Variants in DNAH14 observed in about 807,000 individuals in gnomAD.
DNAH14 encodes axonemal beta dynein heavy chain 14.
In DNAH14, 478 loss-of-function variants were observed where a neutral mutation model predicts 520.9. That is an observed-to-expected ratio of 0.92 (90% CI 0.85 to 0.99). The LOEUF (loss-of-function observed/expected upper bound fraction) is 0.99, where lower values mean the gene tolerates loss of function less well. Among genes scored for constraint, DNAH14 ranks in the 50% least tolerant of loss-of-function variants. The pLI, the probability that DNAH14 is intolerant of heterozygous loss-of-function variation, is 0.00. For missense variants in DNAH14, 4,831 were observed against 5,234.5 expected (o/e 0.92, Z 2.38); for synonymous variants, 1,581 against 1,757.2 (o/e 0.90, Z 2.51).
At position 224,968,815 on chromosome 1, in the gene DNAH14, G is replaced by A. The variant is rs542595230; in HGVS notation, c.708G>A (p.Trp236Ter). Residue 236 changes from tryptophan (W) to a stop codon, truncating the protein, a stop_gained, in exon 7 of 86, where the codon TGG becomes TGA. Transcript: ENST00000682510. LOFTEE classifies it high-confidence loss of function. ...KEVELIPTLE[W>*]LSERRHYYLL... ...TAGAACTCATACCTACTTTGGAATGGCTATCAGAAAGAAGACATTACTATT... is the reference window on the plus strand; with the variant it reads ...TAGAACTCATACCTACTTTGGAATGACTATCAGAAAGAAGACATTACTATT... The A allele has an allele frequency of 3.2e-6, 5 of 1,542,450 alleles. No homozygotes were observed. In the South Asian group the frequency reaches 6.1e-5, roughly 19 times the overall value.
intron 71 of DNAH14, among the ~76,000 whole-genome samples, chr1:225,348,612 T>C (rs1294814644): frequency 1.3e-5 from 2 of 152,148 alleles, no homozygotes; most frequent in African/African-American, 4.8e-5. Context: ...CCAATAATAC[T>C]GTATGTGTCA....
chr1:225,007,522 A>G lies in DNAH14; in HGVS notation c.1085A>G (p.Glu362Gly). The change falls in exon 10 of 86, where the codon GAG (glutamate) becomes GGG (glycine). Residue 362 changes from glutamate (E) to glycine (G), a missense_variant. Coordinates refer to ENST00000682510, the MANE Select transcript of DNAH14 (RefSeq NM_001367479.1). Reference sequence around the variant, plus strand: ...GACATCAGGAATAAAGCAATTTCAGAGATGAAAAGTACTTTTCTAAAGGTA... The same window carrying G: ...GACATCAGGAATAAAGCAATTTCAGGGATGAAAAGTACTTTTCTAAAGGTA... ...LEDIRNKAIS[E>G]MKSTFLKVAE... is the part of the protein sequence containing the mutation. The G allele has an allele frequency of 6.5e-7, 1 of 1,534,342 alleles. No homozygotes were observed. Among genetic ancestry groups the G allele is most frequent in the Non-Finnish European group, 8.8e-7 (1 of 1,137,380 alleles).
At chr1:225,108,985 T>C (rs2076291419) in intron 23 of DNAH14, among the ~76,000 whole-genome samples, 1 of 152,162 alleles carries the variant, frequency 6.6e-6, no homozygotes, top group African/African-American at 2.4e-5. Flanking sequence ...CTTTTTCCAA[T>C]GTATGTTCTT....
At chr1:225,298,440 G>A (rs7512125) in intron 55 of DNAH14, among the ~76,000 whole-genome samples, 5,521 of 152,272 alleles carry the variant, frequency 0.036, 303 homozygotes, top group African/African-American at 0.12. Context: ...CACCCTAAAT[G>A]GGACTGCCAG....
intron 17 of DNAH14, among the ~76,000 whole-genome samples, chr1:225,063,353 G>T (rs995935179): frequency 3.9e-5 from 6 of 152,036 alleles, no homozygotes; most frequent in African/African-American, 1.4e-4. Flanking sequence ...TAAATGCTGT[G>T]TAACTAATTT....
intron 49 of DNAH14, 115 bp from the exon 50 acceptor site, chr1:225,270,620 A>C: frequency 1.1e-6 from 1 of 882,554 alleles, no homozygotes; most frequent in Non-Finnish European, 1.6e-6. Context: ...TAGTAATTAA[A>C]TCTTTTTGTC....
chr1:225,185,651 A>G (rs945532641), intron 37 of DNAH14, among the ~76,000 whole-genome samples: 1 of 151,894 alleles, frequency 6.6e-6, no homozygotes, highest in Non-Finnish European at 1.5e-5. Context: ...TAGGCATCTT[A>G]ATAAATGAAC....
intron 54 of DNAH14, among the ~76,000 whole-genome samples, chr1:225,288,812 C>A (rs900608850): frequency 6.6e-6 from 1 of 152,076 alleles, no homozygotes. Flanking sequence ...TAGTTAATAG[C>A]AATCATTGAC....
chr1:225,140,344 T>A (rs1298734360), intron 27 of DNAH14, among the ~76,000 whole-genome samples: 1 of 152,172 alleles, frequency 6.6e-6, no homozygotes, highest in African/African-American at 2.4e-5. Context: ...AGAGTGGGTG[T>A]CAAAAGATGG....
chr1:225,335,402 CATGT>C (rs1558428685), intron 66 of DNAH14, among the ~76,000 whole-genome samples: 10 of 95,798 alleles, frequency 1.0e-4, no homozygotes, highest in East Asian at 3.6e-4. Flanking sequence ...CACATGTGTA[CATGT>C]GTGTGTATGC....
chr1:225,168,677 C>T (rs888740558), intron 36 of DNAH14, among the ~76,000 whole-genome samples: 7 of 152,194 alleles, frequency 4.6e-5, no homozygotes, highest in South Asian at 2.1e-4. Context: ...TGGAGCCCAC[C>T]GCAGCTCAAG....
chr1:224,957,910 G>A (rs144285322), intron 3 of DNAH14, among the ~76,000 whole-genome samples: 444 of 152,240 alleles, frequency 2.9e-3, no homozygotes, highest in Non-Finnish European at 5.1e-3. Context: ...AGGAGCTGTG[G>A]TTTTATTTGA....
In DNAH14 at chr1:225,079,226, A is replaced by G. The variant is rs2072810310; in HGVS notation, c.2444A>G (p.Gln815Arg). The change falls in exon 18 of 86, where the codon CAG (glutamine) becomes CGG (arginine). Residue 815 changes from glutamine to arginine, a missense_variant. By Grantham distance (43) the Gln-to-Arg change is conservative. Coordinates refer to ENST00000682510, the MANE Select transcript of DNAH14 (RefSeq NM_001367479.1). ...TTTCAGGTTGTGGAATCATCATTGC[A>G]GCAGCTGGAATGTGATCCCACTGAA... ...NLLEVVESSL[Q>R]QLECDPTEIE... 6.5e-7 allele frequency: 1 copy of G among 1,544,194 alleles called. No individual in the cohort carries two copies. Among genetic ancestry groups the G allele is most frequent in the South Asian group, 1.2e-5 (1 of 82,240 alleles).
intron 20 of DNAH14, 128 bp downstream of exon 20, chr1:225,082,867 A>C: frequency 1.4e-6 from 1 of 719,842 alleles, no homozygotes. Flanking sequence ...GGAAAATAAT[A>C]GTACATTTGT....
rs2081333237 is a variant in DNAH14, at chr1:225,159,416, T to C, written c.5376T>C (p.Leu1792=). 2 of 1,549,880 alleles carry C rather than the reference T, an allele frequency of 1.3e-6. No homozygotes were observed. The highest frequency in any genetic ancestry group is 2.7e-5 in the African/African-American group (2 of 73,040). Residue 1792 remains leucine, a synonymous_variant, in exon 35 of 86, where the codon CTT becomes CTC. Coordinates refer to ENST00000682510, the MANE Select transcript of DNAH14 (RefSeq NM_001367479.1). ...LPKCPPEDVP[L]FENIIGDIFP... ...AATGTCCTCCTGAAGATGTCCCACT[T>C]TTTGAAAATATTATAGGAGATATTT... is the stretch of plus-strand genomic sequence containing the variant.
chr1:224,948,115 G>T (rs1357487679), intron 1 of DNAH14, among the ~76,000 whole-genome samples: 5 of 151,780 alleles, frequency 3.3e-5, no homozygotes, highest in Non-Finnish European at 7.4e-5. Flanking sequence ...GTAGGAAAAG[G>T]TTGGCCTGAT....
At chr1:225,328,841 G>T (rs759734505) in intron 64 of DNAH14, among the ~76,000 whole-genome samples, 10 of 152,104 alleles carry the variant, frequency 6.6e-5, no homozygotes, top group Non-Finnish European at 1.2e-4. Context: ...GGGTGAATGA[G>T]CAAGCAGACA....
intron 21 of DNAH14, among the ~76,000 whole-genome samples, chr1:225,096,133 T>TTTG (rs59833560): frequency 0.2 from 29,772 of 150,628 alleles, 6,118 homozygotes; most frequent in African/African-American, 0.52. Flanking sequence ...GCCTGACTAA[T>TTTG]TTGTTGTTGT....
At position 225,060,219 on chromosome 1, in the gene DNAH14, A is replaced by AT. The variant is rs1034146551; in HGVS notation, c.2424+8433dup. 5.1e-3 allele frequency among the ~76,000 whole-genome samples: 768 copies of AT among 150,636 alleles called. 6 individuals are homozygous for AT. Among genetic ancestry groups the AT allele is most frequent in the African/African-American group, 0.018 (719 of 40,930 alleles). On this transcript the variant is annotated intron_variant, in intron 17 of 85. Coordinates refer to ENST00000682510, the MANE Select transcript of DNAH14 (RefSeq NM_001367479.1). ...TTGGAGGCTTTGTTCATTTCTTTTT[A>AT]TTTTTTTTTCTCTAAACTTCTCTTC... is the stretch of plus-strand genomic sequence containing the variant.
Sources: allele counts gnomAD v4.1 joint callset (sites outside exome capture counted in the v4.1 genomes callset), GRCh38; gene constraint gnomAD v4.1.1; transcripts MANE v1.5; gene names NCBI Gene and HGNC (gene_info 2026-07-23, HGNC 2026-07-21).